Variants in TMEM108 observed in about 807,000 individuals in gnomAD.
TMEM108 encodes transmembrane protein 108, also known as cancer/testis antigen 124.
TMEM108 carries 12 observed loss-of-function variants against 35.1 expected under a neutral mutation model. The observed-to-expected ratio is 0.34, with a 90% CI of 0.22 to 0.55. The LOEUF (loss-of-function observed/expected upper bound fraction) is 0.55, where lower values mean the gene tolerates loss of function less well. Ranked by LOEUF, TMEM108 falls within the 20% of genes least tolerant of loss-of-function variation. The probability of loss-of-function intolerance (pLI) is 0.89; values close to 1 mark genes in which losing one functional copy is unlikely to be tolerated. For missense variants in TMEM108, 680 were observed against 753.3 expected (o/e 0.90, Z 1.14); for synonymous variants, 287 against 308.6 (o/e 0.93, Z 0.73).
intron 3 of TMEM108, among the ~76,000 whole-genome samples, chr3:133,300,519 C>A (rs1947206710): frequency 6.6e-6 from 1 of 152,102 alleles, no homozygotes; most frequent in Admixed American, 6.5e-5. Context: ...AGTTTATACT[C>A]AGAAAGATCC....
At chr3:133,243,983 G>A (rs1289739732) in intron 3 of TMEM108, among the ~76,000 whole-genome samples, 3 of 152,142 alleles carry the variant, frequency 2.0e-5, no homozygotes. Context: ...GAAAGGATGA[G>A]TATCAAGCAA....
chr3:133,316,628 A>T (rs2071202962), intron 3 of TMEM108, among the ~76,000 whole-genome samples: 1 of 152,228 alleles, frequency 6.6e-6, no homozygotes, highest in Admixed American at 6.5e-5. Context: ...TTCTTTGTGG[A>T]TAAAGAAGTG....
At chr3:133,055,215 T>C (rs898345052) in intron 2 of TMEM108, among the ~76,000 whole-genome samples, 9 of 152,226 alleles carry the variant, frequency 5.9e-5, no homozygotes, top group African/African-American at 2.2e-4. Flanking sequence ...AAGATTTGTA[T>C]GTAGATAACC....
chr3:133,332,129 C>T (rs1009311290), intron 3 of TMEM108, among the ~76,000 whole-genome samples: 1 of 152,134 alleles, frequency 6.6e-6, no homozygotes, highest in Non-Finnish European at 1.5e-5. Context: ...CCTAGACACT[C>T]TCTAAGTTTA....
intron 3 of TMEM108, among the ~76,000 whole-genome samples, chr3:133,370,655 G>C (rs2072632395): frequency 6.6e-6 from 1 of 152,188 alleles, no homozygotes; most frequent in African/African-American, 2.4e-5. Context: ...ATCAGAGGCT[G>C]AGTTGACCTT....
At chr3:133,182,754 C>A (rs184507430) in intron 2 of TMEM108, among the ~76,000 whole-genome samples, 2 of 152,268 alleles carry the variant, frequency 1.3e-5, no homozygotes, top group Admixed American at 1.3e-4. Context: ...AGGAAGATAC[C>A]TCTTGTGTAA....
At chr3:133,306,910 T>C (rs2071051056) in intron 3 of TMEM108, among the ~76,000 whole-genome samples, 1 of 152,164 alleles carries the variant, frequency 6.6e-6, no homozygotes, top group Admixed American at 6.5e-5. Context: ...CTGGGTCAAA[T>C]GGTATTTCTA....
chr3:133,372,660 A>G (rs1444105361), intron 3 of TMEM108, among the ~76,000 whole-genome samples: 3 of 152,220 alleles, frequency 2.0e-5, no homozygotes, highest in Non-Finnish European at 4.4e-5. Flanking sequence ...CAAGTCATGG[A>G]CCTCATCAGT....
chr3:133,118,022 C>T (rs944871075), intron 2 of TMEM108, among the ~76,000 whole-genome samples: 1 of 152,044 alleles, frequency 6.6e-6, no homozygotes, highest in Non-Finnish European at 1.5e-5. Context: ...CTTCTGAGTA[C>T]TCATTCTATT....
chr3:133,118,950 C>G (rs1488315157), intron 2 of TMEM108: 13 of 152,210 alleles, frequency 8.5e-5, no homozygotes, highest in Admixed American at 8.5e-4. Context: ...ATTAACCTCT[C>G]TTACCTGTAA....
At chr3:133,281,518 A>T (rs888297231) in intron 3 of TMEM108, among the ~76,000 whole-genome samples, 2 of 152,242 alleles carry the variant, frequency 1.3e-5, no homozygotes, top group Non-Finnish European at 2.9e-5. Context: ...GTAACCAAGG[A>T]CAGCGTAGTT....
intron 3 of TMEM108, among the ~76,000 whole-genome samples, chr3:133,256,358 C>T (rs1428933121): frequency 6.6e-6 from 1 of 152,120 alleles, no homozygotes; most frequent in Admixed American, 6.5e-5. Context: ...AACATTTCTT[C>T]TGAGAAACAA....
At chr3:133,126,168 T>A (rs7648144) in intron 2 of TMEM108, among the ~76,000 whole-genome samples, 83,629 of 151,552 alleles carry the variant, frequency 0.55, 23,442 homozygotes, top group Admixed American at 0.61. Context: ...ATCTTTTTTT[T>A]AAAAAAGTGA....
At chr3:133,292,428 G>C (rs940368752) in intron 3 of TMEM108, among the ~76,000 whole-genome samples, 11 of 152,162 alleles carry the variant, frequency 7.2e-5, no homozygotes, top group African/African-American at 2.4e-4. Flanking sequence ...CCAGGGTTTC[G>C]GTTGATCTCA....
At chr3:133,158,870 GTCATCCA>G (rs770522063) in intron 2 of TMEM108, among the ~76,000 whole-genome samples, 18 of 152,164 alleles carry the variant, frequency 1.2e-4, no homozygotes, top group Non-Finnish European at 1.8e-4. Context: ...GCTGGCTACT[GTCATCCA>G]GCTGCCAATC....
intron 2 of TMEM108, among the ~76,000 whole-genome samples, chr3:133,078,815 C>T (rs1943776181): frequency 6.6e-6 from 1 of 152,066 alleles, no homozygotes; most frequent in African/African-American, 2.4e-5. Context: ...TATATTTTAT[C>T]ATAGTTGGAT....
chr3:133,250,024 A>G (rs1220717498), intron 3 of TMEM108, among the ~76,000 whole-genome samples: 1 of 152,198 alleles, frequency 6.6e-6, no homozygotes, highest in African/African-American at 2.4e-5. Flanking sequence ...CAGTCCTCAC[A>G]ACTTGGCCTC....
At chr3:133,354,414 G>T (rs1472856715) in intron 3 of TMEM108, among the ~76,000 whole-genome samples, 1 of 152,216 alleles carries the variant, frequency 6.6e-6, no homozygotes, top group Non-Finnish European at 1.5e-5. Context: ...AGAATGGTGA[G>T]CTGACATCTA....
intron 2 of TMEM108, among the ~76,000 whole-genome samples, chr3:133,115,034 A>T (rs1411750355): frequency 6.6e-6 from 1 of 152,092 alleles, no homozygotes; most frequent in Non-Finnish European, 1.5e-5. Context: ...AACAAACAAG[A>T]CCCTGAGAAC....
Sources: allele counts gnomAD v4.1 joint callset (sites outside exome capture counted in the v4.1 genomes callset), GRCh38; gene constraint gnomAD v4.1.1; transcripts MANE v1.5; gene names NCBI Gene and HGNC (gene_info 2026-07-23, HGNC 2026-07-21).